The following SEMA7A variants were observed in gnomAD, a reference collection of about 807,000 sequenced individuals.
The protein encoded by SEMA7A is semaphorin-7A.
A neutral mutation model predicts 67.5 loss-of-function variants in SEMA7A; 21 were observed. The ratio of observed to expected loss-of-function variants is 0.31; its 90% CI spans 0.22 to 0.45. The LOEUF (loss-of-function observed/expected upper bound fraction) is 0.45, where lower values mean the gene tolerates loss of function less well. SEMA7A is among the 20% of genes least tolerant of loss of function. The pLI is 1.00. For missense variants in SEMA7A, 774 were observed against 908.6 expected, an observed-to-expected ratio of 0.85 and a Z score of 1.90; for synonymous variants, 364 against 368.5, an observed-to-expected ratio of 0.99 and a Z score of 0.14.
intron 1 of SEMA7A, among the ~76,000 whole-genome samples, chr15:74,424,389 T>A (rs2061025811): frequency 6.6e-6 from 1 of 152,090 alleles, no homozygotes; most frequent in Non-Finnish European, 1.5e-5. Flanking sequence ...ACTCTCTGAG[T>A]GCCAGAGAAG....
intron 1 of SEMA7A, among the ~76,000 whole-genome samples, chr15:74,432,754 G>A (rs2061099359): frequency 6.6e-6 from 1 of 152,162 alleles, no homozygotes; most frequent in Non-Finnish European, 1.5e-5. Context: ...TCACGACAGG[G>A]GGGCCGCAGA....
chr15:74,417,952 G>A lies in SEMA7A; in HGVS notation c.390C>T (p.Ile130=), dbSNP rs780806081. The A allele has an allele frequency of 1.2e-6, 2 of 1,613,132 alleles. No individual in the cohort carries two copies. Among genetic ancestry groups the A allele is most frequent in the African/African-American group, 1.3e-5 (1 of 74,944 alleles). Reference sequence around the variant, plus strand: ...CCTCACTCCGCCTCTCCAGGAGAGTGATGTAGTTCTCGCAGTCCTGCCCGG... The same window carrying A: ...CCTCACTCCGCCTCTCCAGGAGAGTAATGTAGTTCTCGCAGTCCTGCCCGG... ...CLDKRDCENY[I]TLLERRSEGL... is the part of the protein sequence containing the mutation. Residue 130 remains isoleucine (I), a synonymous_variant, in exon 4 of 14, where the codon ATC becomes ATT. Transcript: ENST00000261918.
In SEMA7A at chr15:74,411,761, T is replaced by C. The variant is rs1237593127; in HGVS notation, c.1423-51A>G. On this transcript the variant is annotated intron_variant, in intron 11 of 13. Transcript: ENST00000261918. This position sits in a 1 kb window ranked among gnomAD's most constrained non-coding sequence, Gnocchi z 4.4. ...GGCCCGGGCCCCACCCCACACTCAG[T>C]CCTAAATGTCCAGGCCCTAAGGCCT... 1 of 1,605,916 alleles carries C rather than the reference T, an allele frequency of 6.2e-7. No individual in the cohort carries two copies. Among genetic ancestry groups the C allele is most frequent in the Non-Finnish European group, 8.5e-7 (1 of 1,178,028 alleles).
At chr15:74,421,986 A>T (rs1432341213) in intron 1 of SEMA7A, among the ~76,000 whole-genome samples, 2 of 152,186 alleles carry the variant, frequency 1.3e-5, no homozygotes, top group African/African-American at 2.4e-5. Context: ...GGCCCTGAAC[A>T]GGCCGGGAGG....
At chr15:74,427,466 T>C (rs1261156112) in intron 1 of SEMA7A, 1 of 818,794 alleles carries the variant, frequency 1.2e-6, no homozygotes, top group African/African-American at 1.9e-5. Flanking sequence ...GTAGCTGGGA[T>C]TACAGGCGTG....
Position 74,433,878 on chromosome 15 carries a change from G to C in SEMA7A, c.41C>G (p.Pro14Arg). The change falls in exon 1 of 14, where the codon CCG becomes CGG. Residue 14 changes from proline to arginine, a missense_variant. By Grantham distance (103) the Pro-to-Arg change is moderately radical (BLOSUM62 -2). Around this residue, in one of 2 missense-constraint regions of SEMA7A, gnomAD observed 347 missense variants for 353.2 expected, o/e 0.98. Coordinates refer to ENST00000261918, the MANE Select transcript of SEMA7A (RefSeq NM_003612.5). ...PPPGRAAPSA[P>R]RARVPGPPAR... ...CGGCGGGCCAGGGACGCGGGCGCGC[G>C]GTGCGCTGGGGGCGGCACGTCCGGG... is the stretch of plus-strand genomic sequence containing the variant. 2.4e-6 allele frequency: 3 copies of C among 1,272,958 alleles called. No homozygotes were observed. Among genetic ancestry groups the C allele is most frequent in the Non-Finnish European group, 3.0e-6 (3 of 1,015,088 alleles). The allele number at this position is 1,272,958 out of a possible 1,614,324, so 78.9% of individuals were successfully genotyped here.
chr15:74,427,624 C>A (rs971176556), intron 1 of SEMA7A, among the ~76,000 whole-genome samples: 2 of 152,192 alleles, frequency 1.3e-5, no homozygotes, highest in African/African-American at 4.8e-5. Flanking sequence ...AGACTCTGTA[C>A]AAACAACAAT....
intron 1 of SEMA7A, among the ~76,000 whole-genome samples, chr15:74,427,912 C>A (rs563225103): frequency 1.3e-5 from 2 of 152,240 alleles, no homozygotes; most frequent in African/African-American, 4.8e-5. Flanking sequence ...GCCTCTCCCC[C>A]AGAGGAGCCG....
At chr15:74,417,553 A>G (rs752800083) in intron 5 of SEMA7A, 38 bp downstream of exon 5, 2 of 1,598,874 alleles carry the variant, frequency 1.3e-6, no homozygotes, top group Non-Finnish European at 1.7e-6. Flanking sequence ...CCAGTTCAGA[A>G]GCATCCCCCT....
rs2060932140 is a variant in SEMA7A, at chr15:74,414,800, G to A, written c.1095+38C>T. On this transcript the variant is annotated intron_variant, in intron 9 of 13. Coordinates refer to ENST00000261918, the MANE Select transcript of SEMA7A (RefSeq NM_003612.5). This position sits in a 1 kb window ranked among gnomAD's most constrained non-coding sequence, Gnocchi z 4.1. Reference sequence around the variant, plus strand: ...GGGGTGGTGGGAGGTGAGGCAGAAGGAGGGCTGGGCCTGGGCCACGGCTGG... The same window carrying A: ...GGGGTGGTGGGAGGTGAGGCAGAAGAAGGGCTGGGCCTGGGCCACGGCTGG... The A allele has an allele frequency of 6.2e-7, 1 of 1,613,836 alleles. No homozygotes were observed. The highest frequency in any genetic ancestry group is 8.5e-7 in the Non-Finnish European group (1 of 1,179,850).
At chr15:74,430,426 T>C (rs527554947) in intron 1 of SEMA7A, among the ~76,000 whole-genome samples, 3 of 152,260 alleles carry the variant, frequency 2.0e-5, no homozygotes, top group South Asian at 4.2e-4. Context: ...CTTTGGGCAT[T>C]TGGGGAAACT....
Position 74,415,957 on chromosome 15 carries a change from G to T in SEMA7A, c.830C>A (p.Ser277Ter). ...RGDQGGESSL[S>*]VSKWNTFLKA... The stretch of plus-strand genomic sequence containing the variant: ...CAGAAAAGTGTTCCACTTGGAGACT[G>T]ACAGTGAACTTTCCCCACCCTGGTC... Residue 277 changes from serine (S) to a stop codon, truncating the protein, a stop_gained, in exon 8 of 14, where the codon TCA becomes TAA. Coordinates refer to ENST00000261918, the MANE Select transcript of SEMA7A (RefSeq NM_003612.5). LOFTEE classifies it high-confidence loss of function. 6.2e-7 allele frequency: 1 copy of T among 1,614,100 alleles called. No individual in the cohort carries two copies. The highest frequency in any genetic ancestry group is 8.5e-7 in the Non-Finnish European group (1 of 1,179,970).
chr15:74,417,324 G>T lies in SEMA7A; in HGVS notation c.661+11C>A, dbSNP rs763806001. ...CTTGCCCACCCTCAGCCCAGCCGGAGCCTGACTCACTCTGCATGACAGTAT... is the reference window on the plus strand; with the variant it reads ...CTTGCCCACCCTCAGCCCAGCCGGATCCTGACTCACTCTGCATGACAGTAT... On this transcript the variant is annotated intron_variant, in intron 6 of 13. Transcript: ENST00000261918. 4.4e-6 allele frequency: 7 copies of T among 1,608,506 alleles called. No individual in the cohort carries two copies. In the Admixed American group the frequency reaches 1.2e-4, roughly 27 times the overall value.
intron 1 of SEMA7A, chr15:74,433,499 G>A (rs999467176): frequency 5.8e-5 from 66 of 1,141,148 alleles, no homozygotes; most frequent in Non-Finnish European, 1.2e-5. Flanking sequence ...GACTTGGTGC[G>A]ACTTAGCCGG....
In SEMA7A at chr15:74,433,948, C is replaced by T. The variant is rs2061117852; in HGVS notation, c.-30G>A. 8.1e-7 allele frequency: 1 copy of T among 1,239,378 alleles called. No homozygotes were observed. The highest frequency in any genetic ancestry group is 1.0e-6 in the Non-Finnish European group (1 of 993,446). 76.8% of individuals were successfully genotyped at this position (1,239,378 alleles called of 1,614,324 possible). ...TGGCCCCGGGAGCGACAGCGGCAAT[C>T]AGCCGAGACTGAGCCAGCGCCCGGC... On this transcript the variant is annotated 5_prime_UTR_variant, in exon 1 of 14. Coordinates refer to ENST00000261918, the MANE Select transcript of SEMA7A (RefSeq NM_003612.5).
intron 1 of SEMA7A, among the ~76,000 whole-genome samples, chr15:74,432,731 G>A (rs1431945615): frequency 6.6e-6 from 1 of 152,058 alleles, no homozygotes; most frequent in Non-Finnish European, 1.5e-5. Flanking sequence ...CCCCCACTGC[G>A]AGTCCCCCAC....
chr15:74,411,906 G>T lies in SEMA7A; in HGVS notation c.1401C>A (p.Thr467=). The T allele has an allele frequency of 6.2e-7, 1 of 1,614,000 alleles. No individual in the cohort carries two copies. Among genetic ancestry groups the T allele is most frequent in the South Asian group, 1.1e-5 (1 of 91,074 alleles). ...TCACCCGCTCAGCATCCAGCGACAT[G>T]GTCTGGATGGCAGCCGCGCGGCGGA... ...QPFRRAAAIQ[T]MSLDAERRKL... Residue 467 remains threonine, a synonymous_variant, in exon 11 of 14, where the codon ACC becomes ACA. Coordinates refer to ENST00000261918, the MANE Select transcript of SEMA7A (RefSeq NM_003612.5). The surrounding 1 kb of genome is among the most constrained non-coding windows in gnomAD (Gnocchi z 4.4).
In SEMA7A at chr15:74,416,676, G is replaced by C. The variant is rs147891683; in HGVS notation, c.700C>G (p.Gln234Glu). The C allele has an allele frequency of 1.9e-5, 30 of 1,614,044 alleles. No homozygotes were observed. The Middle Eastern group carries it at 6.6e-4, about 36-fold the overall frequency. ...TAGTAGATCTTGTCATCGTAAGCCT[G>C]GTCTTGGTGCACGATGGTGGCTTTG... ...FIKATIVHQDQAYDDKIYYFF... is the reference protein window; with the variant it reads ...FIKATIVHQDEAYDDKIYYFF... The change falls in exon 7 of 14, where the codon CAG becomes GAG. Residue 234 changes from glutamine (Q) to glutamate (E), a missense_variant. This residue lies in a region of SEMA7A where 347 missense variants were observed against 353.2 expected (regional missense o/e 0.98). Coordinates refer to ENST00000261918, the MANE Select transcript of SEMA7A (RefSeq NM_003612.5).
intron 5 of SEMA7A, 45 bp downstream of exon 5, chr15:74,417,546 G>A (rs1317926153): frequency 6.3e-7 from 1 of 1,595,526 alleles, no homozygotes; most frequent in East Asian, 2.2e-5. Flanking sequence ...TCCCAGCCCA[G>A]TTCAGAAGCA....
Sources: allele counts gnomAD v4.1 joint callset (sites outside exome capture counted in the v4.1 genomes callset), GRCh38; gene constraint gnomAD v4.1.1; regional missense constraint gnomAD v4.1.1; non-coding constraint Gnocchi (gnomAD v3.1); transcripts MANE v1.5; gene names NCBI Gene and HGNC (gene_info 2026-07-23, HGNC 2026-07-21).